WDPCP: variants seen among roughly 807,000 people sequenced by gnomAD.
WDPCP encodes WD repeat-containing and planar cell polarity effector protein fritz homolog.
In WDPCP, 71 loss-of-function variants were observed where a neutral mutation model predicts 93.1. The ratio of observed to expected loss-of-function variants is 0.76; its 90% CI spans 0.63 to 0.93. The LOEUF (loss-of-function observed/expected upper bound fraction) is 0.93. WDPCP is among the 40% of genes least tolerant of loss of function. WDPCP has a pLI of 0.00. For missense variants in WDPCP, 844 were observed against 887.4 expected (o/e 0.95, Z 0.62); for synonymous variants, 315 against 315.0 (o/e 1.00, Z 0.00).
chr2:63,744,053 G>A (rs1305832055), intron 2 of WDPCP, among the ~76,000 whole-genome samples: 2 of 152,110 alleles, frequency 1.3e-5, no homozygotes, highest in African/African-American at 4.8e-5. Context: ...GGGTGGGGGT[G>A]TGGAGGGATA....
upstream of WDPCP, among the ~76,000 whole-genome samples, chr2:63,828,308 T>C (rs1226506047): frequency 6.6e-6 from 1 of 152,148 alleles, no homozygotes; most frequent in Non-Finnish European, 1.5e-5. Flanking sequence ...CCCAACTGGC[T>C]CAAACCTCTG....
chr2:63,757,425 TTA>T (rs1669986715), intron 2 of WDPCP, among the ~76,000 whole-genome samples: 1 of 152,196 alleles, frequency 6.6e-6, no homozygotes, highest in African/African-American at 2.4e-5. Context: ...TGTCTTTTTT[TTA>T]TTTCACAGGT....
chr2:63,602,200 A>G (rs1015305692), intron 3 of WDPCP, among the ~76,000 whole-genome samples: 3 of 152,238 alleles, frequency 2.0e-5, no homozygotes, highest in African/African-American at 7.2e-5. Context: ...AAGCAGTCTC[A>G]ACTAGTTTAA....
the WDPCP span, among the ~76,000 whole-genome samples, chr2:63,835,303 T>C: frequency 6.6e-6 from 1 of 150,452 alleles, no homozygotes; most frequent in East Asian, 1.9e-4. Context: ...GGCAGGAGAA[T>C]TGCTTGAACC....
chr2:63,279,295 G>T (rs1683327469), intron 13 of WDPCP, among the ~76,000 whole-genome samples: 1 of 152,102 alleles, frequency 6.6e-6, no homozygotes, highest in African/African-American at 2.4e-5. Flanking sequence ...ATGATCAAGT[G>T]GGTTTCATAT....
chr2:63,392,267 C>CA (rs1359209447), intron 10 of WDPCP, among the ~76,000 whole-genome samples: 5 of 152,070 alleles, frequency 3.3e-5, no homozygotes, highest in Admixed American at 2.0e-4. Context: ...ACAAACCTGA[C>CA]AAAAACAAGC....
rs555020751 is a variant in WDPCP at position 63,616,976 on chromosome 2, G to A, written n.488+33683C>T. ...AAAAGTAAAAATAAAGCTGGAGTAG[G>A]TGGAAAAACAAATTTAGAAATGGAT... On this transcript the variant is annotated intron_variant and non_coding_transcript_variant, in intron 3 of 4. Transcript: ENST00000467687. Among the ~76,000 whole-genome samples, 30 of 152,264 alleles carry A rather than the reference G, an allele frequency of 2.0e-4. No homozygotes were observed. In the East Asian group the frequency reaches 5.8e-3, roughly 29 times the overall value.
intron 14 of WDPCP, among the ~76,000 whole-genome samples, chr2:63,237,899 G>A (rs989845425): frequency 2.0e-5 from 3 of 151,756 alleles, no homozygotes; most frequent in Non-Finnish European, 2.9e-5. Flanking sequence ...TGGGTGACAG[G>A]GTCAATAGAA....
chr2:63,519,938 T>G (rs1702807686), intron 1 of WDPCP, among the ~76,000 whole-genome samples: 1 of 152,092 alleles, frequency 6.6e-6, no homozygotes, highest in Non-Finnish European at 1.5e-5. Context: ...ATAAAGATTA[T>G]CAACATTCAG....
intron 1 of WDPCP, among the ~76,000 whole-genome samples, chr2:63,825,930 T>C (rs539630608): frequency 1.3e-5 from 2 of 152,286 alleles, no homozygotes; most frequent in African/African-American, 2.4e-5. Context: ...TACATCTTTG[T>C]GTGCTCACTT....
At chr2:63,267,791 A>C (rs1682265281) in intron 13 of WDPCP, among the ~76,000 whole-genome samples, 1 of 152,206 alleles carries the variant, frequency 6.6e-6, no homozygotes, top group African/African-American at 2.4e-5. Flanking sequence ...CATGCCTGTT[A>C]GAATAGCTAC....
In WDPCP at chr2:63,778,240, C is replaced by T. The variant is rs147837375; in HGVS notation, n.308+35382G>A. Among the ~76,000 whole-genome samples, 1,171 of 151,426 alleles carry T rather than the reference C, an allele frequency of 7.7e-3. 6 individuals carry two copies. The highest frequency in any genetic ancestry group is 0.014 in the South Asian group (66 of 4,792). ...TTTGTTTTTTTGAGACAGAGTCTCA[C>T]TCTGTCTCCCAGGCTGGAGTGCAGT... is the stretch of plus-strand genomic sequence containing the variant. On this transcript the variant is annotated intron_variant and non_coding_transcript_variant, in intron 2 of 4. Transcript: ENST00000467687.
At chr2:63,762,537 T>C (rs1331809548) in intron 2 of WDPCP, among the ~76,000 whole-genome samples, 2 of 152,180 alleles carry the variant, frequency 1.3e-5, no homozygotes, top group African/African-American at 4.8e-5. Flanking sequence ...TTTATAAGAA[T>C]ATATTAATTT....
chr2:63,671,436 C>T (rs1710346021), intron 2 of WDPCP, among the ~76,000 whole-genome samples: 1 of 152,142 alleles, frequency 6.6e-6, no homozygotes, highest in African/African-American at 2.4e-5. Context: ...TCTACCCAAC[C>T]TACCTTCTCT....
intron 3 of WDPCP, among the ~76,000 whole-genome samples, chr2:63,623,444 G>A (rs973611404): frequency 6.6e-5 from 10 of 151,686 alleles, no homozygotes; most frequent in Admixed American, 1.3e-4. Context: ...CCCACCTCGC[G>A]TGTAAAGACA....
chr2:63,604,673 G>A, intron 3 of WDPCP: 3 of 1,591,168 alleles, frequency 1.9e-6, no homozygotes, highest in Non-Finnish European at 2.6e-6. Flanking sequence ...TCTCAGTAAT[G>A]TATTTGTTTT....
chr2:63,708,101 C>A (rs1669196229), intron 2 of WDPCP, among the ~76,000 whole-genome samples: 1 of 152,326 alleles, frequency 6.6e-6, no homozygotes, highest in East Asian at 1.9e-4. Context: ...GGCAGTCTGT[C>A]CATTCTCAGA....
At chr2:63,452,693 T>C (rs1698340459) in intron 6 of WDPCP, among the ~76,000 whole-genome samples, 1 of 152,166 alleles carries the variant, frequency 6.6e-6, no homozygotes, top group Non-Finnish European at 1.5e-5. Context: ...CTTCAAACTA[T>C]ACTACAAGGC....
At chr2:63,427,409 T>A (rs1039445124) in intron 9 of WDPCP, among the ~76,000 whole-genome samples, 24 of 152,106 alleles carry the variant, frequency 1.6e-4, no homozygotes, top group African/African-American at 5.6e-4. Flanking sequence ...TACATTGCAA[T>A]AAAAATAGAA....
Sources: allele counts gnomAD v4.1 joint callset (sites outside exome capture counted in the v4.1 genomes callset), GRCh38; gene constraint gnomAD v4.1.1; transcripts MANE v1.5; gene names NCBI Gene and HGNC (gene_info 2026-07-23, HGNC 2026-07-21).